OLA1: variants seen among roughly 807,000 people sequenced by gnomAD.
OLA1 encodes obg-like ATPase 1.
OLA1 carries 14 observed loss-of-function variants against 48.4 expected under a neutral mutation model. That is an observed-to-expected ratio of 0.29 (90% CI 0.19 to 0.45). The LOEUF is 0.45. Among genes scored for constraint, OLA1 ranks in the 20% least tolerant of loss-of-function variants. The pLI, the probability that OLA1 is intolerant of heterozygous loss-of-function variation, is 1.00. For missense variants in OLA1, 325 were observed against 467.1 expected (o/e 0.70, Z 2.80); for synonymous variants, 127 against 150.4 (o/e 0.84, Z 1.14).
intron 7 of OLA1, among the ~76,000 whole-genome samples, chr2:174,118,621 T>C (rs1393311404): frequency 6.6e-6 from 1 of 152,228 alleles, no homozygotes; most frequent in Non-Finnish European, 1.5e-5. Context: ...GAAAAAATTT[T>C]ATATAACTTT....
chr2:174,188,077 T>TC (rs1348373624), intron 4 of OLA1, among the ~76,000 whole-genome samples: 1 of 152,160 alleles, frequency 6.6e-6, no homozygotes, highest in Non-Finnish European at 1.5e-5. Context: ...ATCAAGGTGA[T>TC]CATGATAAAA....
intron 4 of OLA1, among the ~76,000 whole-genome samples, chr2:174,152,359 G>A (rs913809558): frequency 4.0e-5 from 6 of 151,768 alleles, no homozygotes; most frequent in African/African-American, 1.2e-4. Context: ...GTGGAGATTG[G>A]GCCACTGCAC....
intron 6 of OLA1, 109 bp downstream of exon 6, chr2:174,123,486 A>G: frequency 1.4e-6 from 1 of 703,292 alleles, no homozygotes; most frequent in East Asian, 2.8e-5. Flanking sequence ...TCACTGACAG[A>G]AATAAAAATT....
chr2:174,117,046 T>C (rs1030080766), intron 7 of OLA1, among the ~76,000 whole-genome samples: 1 of 152,146 alleles, frequency 6.6e-6, no homozygotes, highest in Non-Finnish European at 1.5e-5. Flanking sequence ...ATGGTGAAGT[T>C]ATAGGGCCCA....
chr2:174,123,867 TTA>T lies in OLA1; in HGVS notation c.550-194_550-193del, dbSNP rs199588185. Among the ~76,000 whole-genome samples, 1,210 of 152,302 alleles carry T rather than the reference TTA, an allele frequency of 7.9e-3. 17 individuals carry two copies. The highest frequency in any genetic ancestry group is 0.027 in the African/African-American group (1,140 of 41,554). Reference sequence around the variant, plus strand: ...AATAAAACATTGTGGCATTAAATTTTTAATGTATAAAATGGACAATATTAGCA... The same window carrying T: ...AATAAAACATTGTGGCATTAAATTTTATGTATAAAATGGACAATATTAGCA... On this transcript the variant is annotated intron_variant, in intron 5 of 10. Transcript: ENST00000284719.
chr2:174,232,084 A>AAG (rs1688740733), intron 2 of OLA1, among the ~76,000 whole-genome samples: 1 of 152,188 alleles, frequency 6.6e-6, no homozygotes, highest in South Asian at 2.1e-4. Flanking sequence ...AACTTATTTC[A>AAG]GCAATGATAG....
intron 5 of OLA1, among the ~76,000 whole-genome samples, chr2:174,132,541 G>A (rs1462548441): frequency 6.6e-6 from 1 of 151,996 alleles, no homozygotes; most frequent in Non-Finnish European, 1.5e-5. Flanking sequence ...TTGGTATATT[G>A]CATGTTTATT....
At chr2:174,113,169 T>C (rs1040823695) in intron 7 of OLA1, among the ~76,000 whole-genome samples, 4 of 152,180 alleles carry the variant, frequency 2.6e-5, no homozygotes, top group African/African-American at 9.7e-5. Flanking sequence ...GATCTCAAAC[T>C]CCTGACCTCA....
At chr2:174,230,857 C>T (rs1036616075) in intron 2 of OLA1, among the ~76,000 whole-genome samples, 1 of 152,104 alleles carries the variant, frequency 6.6e-6, no homozygotes, top group African/African-American at 2.4e-5. Context: ...ATACAGAAGG[C>T]ATCTGTTTGA....
chr2:174,211,199 A>T (rs1310247737), intron 4 of OLA1, among the ~76,000 whole-genome samples: 1 of 151,724 alleles, frequency 6.6e-6, no homozygotes, highest in East Asian at 1.9e-4. Flanking sequence ...ACACACACAC[A>T]CACACACTCT....
chr2:174,095,325 GTTTTTTTTTTT>G (rs1205716344), intron 7 of OLA1, among the ~76,000 whole-genome samples: 6 of 78,010 alleles, frequency 7.7e-5, no homozygotes, highest in South Asian at 8.4e-4. Context: ...GTTATTTCCT[GTTTTTTTTTTT>G]TTTTTTTTTT....
At chr2:174,117,492 T>C (rs552658781) in intron 7 of OLA1, among the ~76,000 whole-genome samples, 151 of 152,290 alleles carry the variant, frequency 9.9e-4, no homozygotes, top group African/African-American at 3.6e-3. Context: ...TCCAGTTTTT[T>C]AGGATTCGTT....
chr2:174,114,211 G>A (rs1193398135), intron 7 of OLA1, among the ~76,000 whole-genome samples: 2 of 149,372 alleles, frequency 1.3e-5, no homozygotes, highest in African/African-American at 2.5e-5. Flanking sequence ...GCCTGGTGGC[G>A]GGCGCCTGTA....
At chr2:174,124,886 C>T (rs1686012772) in intron 5 of OLA1, among the ~76,000 whole-genome samples, 1 of 152,084 alleles carries the variant, frequency 6.6e-6, no homozygotes, top group Admixed American at 6.5e-5. Flanking sequence ...AGCCTTATAT[C>T]CTTAGATCCT....
chr2:174,243,258 A>C (rs1260886500), intron 2 of OLA1, among the ~76,000 whole-genome samples: 1 of 152,148 alleles, frequency 6.6e-6, no homozygotes. Context: ...GTGAAACTCC[A>C]TCTACAAACA....
intron 7 of OLA1, among the ~76,000 whole-genome samples, chr2:174,102,496 TGAGA>T (rs1004298956): frequency 2.6e-5 from 4 of 151,682 alleles, no homozygotes; most frequent in African/African-American, 9.7e-5. Context: ...TGGTTTATTC[TGAGA>T]GAGAAAGAGA....
Position 174,075,153 on chromosome 2 carries a change from C to T in OLA1, c.*273G>A. On this transcript the variant is annotated 3_prime_UTR_variant, in exon 11 of 11. Coordinates refer to ENST00000284719, the MANE Select transcript of OLA1 (RefSeq NM_013341.5). ...TACATGATGGAGATTAATGAAGTAT[C>T]ATGAGAGTAATATGGTTCCTGAAAA... 3.0e-6 allele frequency: 1 copy of T among 329,894 alleles called. No individual in the cohort carries two copies. The allele number at this position is 329,894 out of a possible 1,614,324, so 20.4% of individuals were successfully genotyped here. A position where few individuals can be genotyped will look rare whatever the true frequency, so the allele number is the denominator to read the frequency against.
intron 4 of OLA1, among the ~76,000 whole-genome samples, chr2:174,158,707 T>A (rs953484080): frequency 4.6e-5 from 7 of 152,184 alleles, no homozygotes; most frequent in African/African-American, 1.7e-4. Flanking sequence ...AGTGATCCCA[T>A]TAGCTCTTTT....
intron 7 of OLA1, among the ~76,000 whole-genome samples, chr2:174,106,311 G>T (rs1034898207): frequency 6.6e-6 from 1 of 151,984 alleles, no homozygotes; most frequent in Non-Finnish European, 1.5e-5. Context: ...ATTTTGTATT[G>T]TCGTTTTCTA....
Sources: allele counts gnomAD v4.1 joint callset (sites outside exome capture counted in the v4.1 genomes callset), GRCh38; gene constraint gnomAD v4.1.1; transcripts MANE v1.5; gene names NCBI Gene and HGNC (gene_info 2026-07-23, HGNC 2026-07-21).